FILIP1L: variants seen among roughly 807,000 people sequenced by gnomAD.
FILIP1L encodes filamin A interacting protein 1 like.
FILIP1L carries 55 observed loss-of-function variants against 96.6 expected under a neutral mutation model. The ratio of observed to expected loss-of-function variants is 0.57; its 90% CI spans 0.46 to 0.71. FILIP1L has a LOEUF of 0.71. Among genes scored for constraint, FILIP1L ranks in the 30% least tolerant of loss-of-function variants. The pLI, the probability that FILIP1L is intolerant of heterozygous loss-of-function variation, is 0.00. For synonymous variants in FILIP1L, 467 were observed against 473.9 expected, an observed-to-expected ratio of 0.99 and a Z score of 0.19; for missense variants, 1,304 against 1,321.2, an observed-to-expected ratio of 0.99 and a Z score of 0.20.
At chr3:100,027,216 T>A (rs542248921) in intron 1 of FILIP1L, among the ~76,000 whole-genome samples, 9 of 152,256 alleles carry the variant, frequency 5.9e-5, no homozygotes, top group African/African-American at 2.2e-4. Flanking sequence ...CCATCAATTT[T>A]TTATTACCTG....
intron 1 of FILIP1L, among the ~76,000 whole-genome samples, chr3:99,941,811 T>C (rs963088527): frequency 1.1e-4 from 17 of 152,204 alleles, no homozygotes; most frequent in African/African-American, 4.1e-4. Context: ...TCTATTATAT[T>C]GTTTTCATAT....
At chr3:100,068,090 GT>G (rs2065697017) in intron 1 of FILIP1L, among the ~76,000 whole-genome samples, 1 of 152,164 alleles carries the variant, frequency 6.6e-6, no homozygotes, top group Non-Finnish European at 1.5e-5. Flanking sequence ...TCCTAAAATT[GT>G]GAAAGATTAC....
At chr3:100,074,331 C>T (rs1255494162) in intron 1 of FILIP1L, among the ~76,000 whole-genome samples, 2 of 152,188 alleles carry the variant, frequency 1.3e-5, no homozygotes, top group African/African-American at 2.4e-5. Context: ...ACTCTGGGAA[C>T]AGACAAGATG....
In FILIP1L at chr3:99,848,940, T is replaced by C; in HGVS notation, c.2736A>G (p.Gln912=). 6.2e-7 allele frequency: 1 copy of C among 1,614,160 alleles called. No individual in the cohort carries two copies. Among genetic ancestry groups the C allele is most frequent in the Non-Finnish European group, 8.5e-7 (1 of 1,180,028 alleles). ...TTGTGATTTCAAGAGTGGCTGTGTT[T>C]TGTACATGGTCTGGAGTAACCTTTA... The part of the protein sequence containing the change: ...LHIKVTPDHV[Q]NTATLEITSP... The change falls in exon 5 of 6, where the codon CAA becomes CAG. Residue 912 remains glutamine (Q), a synonymous_variant. Coordinates refer to ENST00000477258, the MANE Select transcript of FILIP1L (RefSeq NM_001387850.1).
intron 1 of FILIP1L, among the ~76,000 whole-genome samples, chr3:100,021,003 G>A (rs1442917821): frequency 6.6e-6 from 1 of 152,126 alleles, no homozygotes; most frequent in African/African-American, 2.4e-5. Context: ...TTGACCTTGT[G>A]ATCTGCCCGC....
chr3:100,058,056 C>T (rs1170667156), intron 1 of FILIP1L, among the ~76,000 whole-genome samples: 1 of 152,208 alleles, frequency 6.6e-6, no homozygotes, highest in African/African-American at 2.4e-5. Context: ...TAATCCCAGG[C>T]AATATGCACA....
intron 4 of FILIP1L, among the ~76,000 whole-genome samples, chr3:99,908,874 G>A (rs1038201849): frequency 6.6e-6 from 1 of 150,802 alleles, no homozygotes; most frequent in South Asian, 2.1e-4. Flanking sequence ...AATTCCTATT[G>A]TGTGTGTGTG....
chr3:99,961,172 T>G (rs2107702882), intron 1 of FILIP1L, among the ~76,000 whole-genome samples: 1 of 152,290 alleles, frequency 6.6e-6, no homozygotes, highest in East Asian at 1.9e-4. Flanking sequence ...GTTGTAAAGT[T>G]AAATTGCCTC....
chr3:100,050,090 C>A (rs1440948613), intron 1 of FILIP1L, among the ~76,000 whole-genome samples: 1 of 152,152 alleles, frequency 6.6e-6, no homozygotes, highest in Non-Finnish European at 1.5e-5. Flanking sequence ...ATCACACAGA[C>A]TCACCTGTGG....
chr3:100,067,166 C>CATTT (rs10662415), intron 1 of FILIP1L, among the ~76,000 whole-genome samples: 1 of 150,866 alleles, frequency 6.6e-6, no homozygotes, highest in Non-Finnish European at 1.5e-5. Flanking sequence ...TTTTTGATCT[C>CATTT]GTTTGTTTGT....
intron 1 of FILIP1L, among the ~76,000 whole-genome samples, chr3:99,984,670 C>T (rs567734177): frequency 6.6e-6 from 1 of 152,222 alleles, no homozygotes; most frequent in Non-Finnish European, 1.5e-5. Context: ...TCCTCTCTGG[C>T]CAATTACTTT....
At chr3:100,004,741 G>T (rs1709940798) in intron 1 of FILIP1L, among the ~76,000 whole-genome samples, 2 of 152,180 alleles carry the variant, frequency 1.3e-5, no homozygotes, top group African/African-American at 4.8e-5. Flanking sequence ...GGTAGGATTG[G>T]TGGGTTTAAA....
At chr3:99,991,041 G>T (rs1402914852) in intron 1 of FILIP1L, among the ~76,000 whole-genome samples, 1 of 152,118 alleles carries the variant, frequency 6.6e-6, no homozygotes, top group Non-Finnish European at 1.5e-5. Context: ...CCATAATCTG[G>T]TCCATGAGTT....
intron 1 of FILIP1L, among the ~76,000 whole-genome samples, chr3:100,042,584 A>ATAAT: frequency 6.6e-6 from 1 of 152,246 alleles, no homozygotes; most frequent in South Asian, 2.1e-4. Context: ...TGTATGGTTC[A>ATAAT]GACATTGTTA....
intron 1 of FILIP1L, among the ~76,000 whole-genome samples, chr3:100,007,700 G>A (rs899937999): frequency 6.6e-6 from 1 of 152,210 alleles, no homozygotes; most frequent in Non-Finnish European, 1.5e-5. Flanking sequence ...ACTGATGGAA[G>A]CTACAGTATC....
intron 5 of FILIP1L, among the ~76,000 whole-genome samples, chr3:99,835,327 C>T (rs1036950722): frequency 5.9e-5 from 9 of 152,212 alleles, no homozygotes; most frequent in African/African-American, 1.7e-4. Context: ...GAGACATTAT[C>T]TGTTCTTTCC....
rs756380927 is a variant in FILIP1L at position 99,848,822 on chromosome 3, C to T, written c.2854G>A (p.Ala952Thr). ...TTGGACTTTACTGGTGTTATGGAGG[C>T]GTTTTGGAGGATGGTTATCCTTTGC... is the stretch of plus-strand genomic sequence containing the variant. Reference protein sequence around the residue: ...PKQRITILQNASITPVKSKTS... With the variant: ...PKQRITILQNTSITPVKSKTS... The change falls in exon 5 of 6, where the codon GCC becomes ACC. Residue 952 changes from alanine to threonine, a missense_variant. Ala to Thr is a moderately conservative substitution (Grantham distance 58). Transcript: ENST00000477258. The T allele has an allele frequency of 5.6e-6, 9 of 1,613,830 alleles. No individual in the cohort carries two copies. The highest frequency in any genetic ancestry group is 4.5e-5 in the East Asian group (2 of 44,872).
chr3:100,101,197 A>C (rs528277957), intron 1 of FILIP1L, among the ~76,000 whole-genome samples: 1 of 152,280 alleles, frequency 6.6e-6, no homozygotes, highest in South Asian at 2.1e-4. Context: ...CGTTATACTA[A>C]GACTGAGAAA....
intron 4 of FILIP1L, among the ~76,000 whole-genome samples, chr3:99,902,916 A>G (rs1457500442): frequency 1.3e-5 from 2 of 152,230 alleles, no homozygotes. Flanking sequence ...TAAAGCAACT[A>G]AAATCTATAA....
Sources: gnomAD v4.1 joint callset for allele counts (sites outside exome capture counted in the v4.1 genomes callset) on GRCh38, gnomAD v4.1.1 for gene constraint, MANE v1.5 for transcripts, NCBI Gene and HGNC (gene_info 2026-07-23, HGNC 2026-07-21) for gene names.